Variants in DENND1B observed in about 807,000 individuals in gnomAD.
DENND1B encodes DENN domain containing 1B.
DENND1B carries 59 observed loss-of-function variants against 90.1 expected under a neutral mutation model. That is an observed-to-expected ratio of 0.65 (90% CI 0.53 to 0.81). The LOEUF is 0.81. DENND1B is among the 40% of genes least tolerant of loss of function. The pLI, the probability that DENND1B is intolerant of heterozygous loss-of-function variation, is 0.00. For missense variants in DENND1B, 862 were observed against 912.6 expected, an observed-to-expected ratio of 0.94 and a Z score of 0.71; for synonymous variants, 337 against 324.6, an observed-to-expected ratio of 1.04 and a Z score of -0.41.
intron 2 of DENND1B, among the ~76,000 whole-genome samples, chr1:197,733,271 C>T (rs2488401): frequency 0.22 from 33,049 of 150,006 alleles, 3,889 homozygotes; most frequent in Middle Eastern, 0.32. Context: ...TAAGAATAAG[C>T]ACAAAAAAAA....
rs778865459 is a variant in DENND1B at position 197,539,991 on chromosome 1, T to C, written c.1488A>G (p.Gly496=). Residue 496 remains glycine, a synonymous_variant, in exon 20 of 23, where the codon GGA becomes GGG. Coordinates refer to ENST00000620048, the MANE Select transcript of DENND1B (RefSeq NM_001195215.2). ...GAGCAAGCTTACGCTTTTCTGAGTTTCCTCCCTTTTCATTGTGTAATTTGT... is the reference window on the plus strand; with the variant it reads ...GAGCAAGCTTACGCTTTTCTGAGTTCCCTCCCTTTTCATTGTGTAATTTGT... The part of the protein sequence containing the change: ...PVYKLHNEKG[G]NSEKRKLAQA... The C allele has an allele frequency of 6.2e-7, 1 of 1,613,380 alleles. No individual in the cohort carries two copies. The highest frequency in any genetic ancestry group is 8.5e-7 in the Non-Finnish European group (1 of 1,179,518).
chr1:197,509,710 G>A lies in DENND1B; in HGVS notation c.*750C>T, dbSNP rs546690961. 6.6e-6 allele frequency: 1 copy of A among 151,302 alleles called. No homozygotes were observed. Among genetic ancestry groups the A allele is most frequent in the East Asian group, 2.0e-4 (1 of 5,106 alleles). 9.4% of individuals were successfully genotyped at this position (151,302 alleles called of 1,614,324 possible). A position where few individuals can be genotyped will look rare whatever the true frequency, so the allele number is the denominator to read the frequency against. ...CCCCTAAATAGCAAAGGCATACAGA[G>A]AGACTGAAAACTCGTTAGAGTGTCT... On this transcript the variant is annotated 3_prime_UTR_variant, in exon 23 of 23. Transcript: ENST00000620048.
intron 2 of DENND1B, among the ~76,000 whole-genome samples, chr1:197,748,169 A>G (rs1652950876): frequency 6.6e-6 from 1 of 151,942 alleles, no homozygotes; most frequent in African/African-American, 2.4e-5. Context: ...CTTAGTTAAA[A>G]AAGATAAATT....
chr1:197,514,857 A>T (rs993669172), intron 20 of DENND1B, among the ~76,000 whole-genome samples: 12 of 151,560 alleles, frequency 7.9e-5, no homozygotes, highest in African/African-American at 2.4e-4. Flanking sequence ...TCAACTTAGA[A>T]TTTTTCTGCA....
intron 3 of DENND1B, chr1:197,688,936 C>A: frequency 4.6e-6 from 1 of 215,404 alleles, no homozygotes; most frequent in South Asian, 8.2e-5. Context: ...ATGCCTGGGT[C>A]TTGGATAAAT....
At chr1:197,625,741 C>A (rs1195437588) in intron 10 of DENND1B, among the ~76,000 whole-genome samples, 3 of 152,004 alleles carry the variant, frequency 2.0e-5, no homozygotes, top group Non-Finnish European at 4.4e-5. Context: ...AGAGTCAAGA[C>A]CCATCAGTGT....
chr1:197,703,249 G>A (rs1455344079), intron 3 of DENND1B, among the ~76,000 whole-genome samples: 8 of 151,292 alleles, frequency 5.3e-5, no homozygotes, highest in African/African-American at 1.9e-4. Flanking sequence ...GGCCTCCAAA[G>A]TGCTGGGATT....
intron 3 of DENND1B, among the ~76,000 whole-genome samples, chr1:197,687,334 TTCTAAGTATTATCGA>T (rs1657351606): frequency 1.3e-5 from 2 of 152,308 alleles, no homozygotes; most frequent in African/African-American, 4.8e-5. Flanking sequence ...GGTAAGGTTT[TTCTAAGTATTATCGA>T]TGCTTCCAAT....
intron 5 of DENND1B, among the ~76,000 whole-genome samples, chr1:197,668,950 T>C (rs1320880084): frequency 6.6e-6 from 1 of 152,220 alleles, no homozygotes; most frequent in Non-Finnish European, 1.5e-5. Context: ...CTTAATGGGC[T>C]CATTTTTTTT....
chr1:197,540,990 A>C lies in DENND1B; in HGVS notation c.1376T>G (p.Leu459Arg). 1 of 1,612,822 alleles carries C rather than the reference A, an allele frequency of 6.2e-7. No homozygotes were observed. The highest frequency in any genetic ancestry group is 8.5e-7 in the Non-Finnish European group (1 of 1,179,298). ...KFAKNHAKLG[L>R]KEVKSKLKHK... is the part of the protein sequence containing the mutation. Reference sequence around the variant, plus strand: ...TTTTAGTTTACTCTTCACTTCCTTTAGTCCCAGCTTTGCATGATTTTTTGC... The same window carrying C: ...TTTTAGTTTACTCTTCACTTCCTTTCGTCCCAGCTTTGCATGATTTTTTGC... The change falls in exon 19 of 23, where the codon CTA becomes CGA. Residue 459 changes from leucine (L) to arginine (R), a missense_variant. Physicochemically the swap from Leu to Arg is moderately radical, Grantham distance 102 (BLOSUM62 -2). Transcript: ENST00000620048.
chr1:197,513,675 T>C (rs922467368), intron 20 of DENND1B, among the ~76,000 whole-genome samples: 1 of 151,656 alleles, frequency 6.6e-6, no homozygotes, highest in African/African-American at 2.4e-5. Flanking sequence ...AATTTTTCTT[T>C]AATATCTTAT....
intron 2 of DENND1B, among the ~76,000 whole-genome samples, chr1:197,754,687 A>AAAAAAAC (rs1654046943): frequency 6.8e-6 from 1 of 147,942 alleles, no homozygotes; most frequent in Admixed American, 6.7e-5. Flanking sequence ...AAAAAAAAAA[A>AAAAAAAC]ACTGATACAG....
At chr1:197,529,312 A>G (rs531318482) in intron 20 of DENND1B, among the ~76,000 whole-genome samples, 3 of 147,120 alleles carry the variant, frequency 2.0e-5, no homozygotes, top group South Asian at 2.1e-4. Flanking sequence ...GTATATATGT[A>G]TATATATGTG....
At chr1:197,719,999 T>A (rs1393314049) in intron 2 of DENND1B, among the ~76,000 whole-genome samples, 4 of 152,202 alleles carry the variant, frequency 2.6e-5, no homozygotes, top group Non-Finnish European at 5.9e-5. Context: ...AACACAATGC[T>A]TTCTGTGTAT....
intron 2 of DENND1B, among the ~76,000 whole-genome samples, chr1:197,770,010 C>G (rs150812592): frequency 6.6e-6 from 1 of 152,056 alleles, no homozygotes; most frequent in Non-Finnish European, 1.5e-5. Flanking sequence ...TTTATAGCTA[C>G]TAATTTATCA....
intron 2 of DENND1B, among the ~76,000 whole-genome samples, chr1:197,770,709 TATAA>T (rs1429890784): frequency 3.2e-4 from 45 of 142,836 alleles, no homozygotes; most frequent in African/African-American, 1.1e-3. Flanking sequence ...TCTATAAATA[TATAA>T]ATATATATCT....
Position 197,552,750 on chromosome 1 carries a change from G to C in DENND1B, c.1240+272C>G, listed in dbSNP as rs564108953. 7.4e-6 allele frequency: 9 copies of C among 1,212,786 alleles called. No homozygotes were observed. In the South Asian group the frequency reaches 2.3e-4, roughly 31 times the overall value. 75.1% of individuals were successfully genotyped at this position (1,212,786 alleles called of 1,614,324 possible). On this transcript the variant is annotated intron_variant, in intron 16 of 22. Transcript: ENST00000620048. ...AAGACAGGAAGATATGAGTTGATTGGATTTCTGTATTACTAATTTCCAGCA... is the reference window on the plus strand; with the variant it reads ...AAGACAGGAAGATATGAGTTGATTGCATTTCTGTATTACTAATTTCCAGCA...
At chr1:197,529,229 T>G (rs1669395122) in intron 20 of DENND1B, among the ~76,000 whole-genome samples, 1 of 14,906 alleles carries the variant, frequency 6.7e-5, no homozygotes, top group South Asian at 5.1e-3. Context: ...TATATATATA[T>G]ATATATATAT....
intron 2 of DENND1B, chr1:197,736,205 CAAGCTCAATTTT>C: frequency 2.3e-6 from 1 of 435,184 alleles, no homozygotes; most frequent in Non-Finnish European, 4.2e-6. Context: ...CTTTTGATTT[CAAGCTCAATTTT>C]AAGCTGCAGA....
Sources: allele counts gnomAD v4.1 joint callset (sites outside exome capture counted in the v4.1 genomes callset), GRCh38; gene constraint gnomAD v4.1.1; transcripts MANE v1.5; gene names NCBI Gene and HGNC (gene_info 2026-07-23, HGNC 2026-07-21).